The following ASAP1 variants were observed in gnomAD, a reference collection of about 807,000 sequenced individuals.
ASAP1 encodes arf-GAP with SH3 domain, ANK repeat and PH domain-containing protein 1.
Under a neutral mutation model 145.2 loss-of-function variants are expected in ASAP1, and 43 were observed. That is an observed-to-expected ratio of 0.30 (90% confidence interval 0.23 to 0.38). The LOEUF is 0.38. Ranked by LOEUF, ASAP1 falls within the 10% of genes least tolerant of loss-of-function variation. The pLI is 1.00. For synonymous variants in ASAP1, 546 were observed against 515.5 expected, an observed-to-expected ratio of 1.06 and a Z score of -0.80; for missense variants, 1,018 against 1,355.3, an observed-to-expected ratio of 0.75 and a Z score of 3.91.
chr8:130,193,535 TTGTAATA>T (rs1243214633), intron 5 of ASAP1, among the ~76,000 whole-genome samples: 2 of 152,112 alleles, frequency 1.3e-5, no homozygotes, highest in Non-Finnish European at 2.9e-5. Context: ...TTTAAAAAAA[TTGTAATA>T]TGTAATATGT....
intron 13 of ASAP1, among the ~76,000 whole-genome samples, chr8:130,149,441 T>C (rs140725209): frequency 1.7e-3 from 264 of 152,244 alleles, no homozygotes; most frequent in Middle Eastern, 6.8e-3. Flanking sequence ...TTTTCAGGTG[T>C]ACACAGAAAT....
At chr8:130,297,604 T>A (rs899659519) in intron 3 of ASAP1, among the ~76,000 whole-genome samples, 2 of 152,058 alleles carry the variant, frequency 1.3e-5, no homozygotes, top group African/African-American at 4.8e-5. Flanking sequence ...CTATCTCCCA[T>A]CACAATAAAA....
Position 130,060,870 on chromosome 8 carries a change from C to A in ASAP1, c.2901G>T (p.Gln967His), listed in dbSNP as rs751723274. 1.9e-6 allele frequency: 3 copies of A among 1,613,844 alleles called. No individual in the cohort carries two copies. The Admixed American group carries it at 5.0e-5, about 27-fold the overall frequency. Reference sequence around the variant, plus strand: ...GGGGTTTGGGTGGCAGGTCCCCCAGCTGTGGTTTGGGGGGCAGTTCTCCTG... The same window carrying A: ...GGGGTTTGGGTGGCAGGTCCCCCAGATGTGGTTTGGGGGGCAGTTCTCCTG... ...PKPGELPPKPQLGDLPPKPQL... is the reference protein window; with the variant it reads ...PKPGELPPKPHLGDLPPKPQL... The change falls in exon 28 of 30, where the codon CAG becomes CAT. Residue 967 changes from glutamine to histidine, a missense_variant. By Grantham distance (24) the Gln-to-His change is conservative (BLOSUM62 0). This residue lies in a region of ASAP1 where 139 missense variants were observed against 131.0 expected (regional missense o/e 1.06). Transcript: ENST00000518721.
chr8:130,172,740 C>T (rs866577191), intron 9 of ASAP1, among the ~76,000 whole-genome samples: 1 of 152,084 alleles, frequency 6.6e-6, no homozygotes, highest in African/African-American at 2.4e-5. Context: ...TTGAACAGCA[C>T]AAAAGAAATA....
intron 2 of ASAP1, among the ~76,000 whole-genome samples, chr8:130,391,876 T>C (rs1168108359): frequency 1.3e-5 from 2 of 152,264 alleles, no homozygotes; most frequent in African/African-American, 2.4e-5. Flanking sequence ...TCCTCACACA[T>C]GGTCCCCTAC....
At chr8:130,090,116 A>G (rs1057254778) in intron 25 of ASAP1, among the ~76,000 whole-genome samples, 1 of 152,186 alleles carries the variant, frequency 6.6e-6, no homozygotes, top group Non-Finnish European at 1.5e-5. Flanking sequence ...CAATGGGGGG[A>G]AAAACGGCCA....
chr8:130,274,102 A>G (rs891957807), intron 3 of ASAP1, among the ~76,000 whole-genome samples: 1 of 152,190 alleles, frequency 6.6e-6, no homozygotes, highest in African/African-American at 2.4e-5. Flanking sequence ...GTAAAAGTCT[A>G]TGACTCACAA....
intron 3 of ASAP1, among the ~76,000 whole-genome samples, chr8:130,334,544 AT>A (rs1824913625): frequency 6.6e-6 from 1 of 152,256 alleles, no homozygotes; most frequent in African/African-American, 2.4e-5. Flanking sequence ...TCTTCATATT[AT>A]TCTACAGTTC....
At chr8:130,182,406 C>T (rs1034036069) in intron 7 of ASAP1, among the ~76,000 whole-genome samples, 7 of 152,182 alleles carry the variant, frequency 4.6e-5, no homozygotes, top group Non-Finnish European at 1.0e-4. Context: ...TTCTCTGTCT[C>T]CCTCACTTAC....
At chr8:130,153,667 C>T (rs915932120) in intron 12 of ASAP1, among the ~76,000 whole-genome samples, 1 of 151,836 alleles carries the variant, frequency 6.6e-6, no homozygotes, top group Non-Finnish European at 1.5e-5. Context: ...TGTGACTGGC[C>T]GTGGCACTGC....
intron 3 of ASAP1, among the ~76,000 whole-genome samples, chr8:130,322,643 T>C (rs1190081207): frequency 6.6e-6 from 1 of 152,244 alleles, no homozygotes; most frequent in Non-Finnish European, 1.5e-5. Context: ...TAATGCTATC[T>C]GGATTCAGTT....
intron 24 of ASAP1, among the ~76,000 whole-genome samples, chr8:130,099,506 CTT>C: frequency 6.6e-6 from 1 of 151,568 alleles, no homozygotes; most frequent in Non-Finnish European, 1.5e-5. Context: ...TTAAGAAAAA[CTT>C]TTTGTGGAGA....
At chr8:130,072,822 T>C (rs374662461) in intron 27 of ASAP1, among the ~76,000 whole-genome samples, 2,816 of 26,044 alleles carry the variant, frequency 0.11, 298 homozygotes, top group East Asian at 0.31. Context: ...TGTGTGTGTG[T>C]GTGCGCGCGG....
intron 3 of ASAP1, among the ~76,000 whole-genome samples, chr8:130,244,949 C>T (rs1286264490): frequency 6.6e-6 from 1 of 152,088 alleles, no homozygotes; most frequent in African/African-American, 2.4e-5. Flanking sequence ...GAAATAGGAA[C>T]TCCAATTACA....
chr8:130,236,049 C>T (rs1371986317), intron 4 of ASAP1, among the ~76,000 whole-genome samples: 1 of 152,086 alleles, frequency 6.6e-6, no homozygotes, highest in South Asian at 2.1e-4. Context: ...CTCAAGGTCA[C>T]CTTGCTAATA....
intron 16 of ASAP1, among the ~76,000 whole-genome samples, chr8:130,126,304 T>C (rs1329076991): frequency 6.6e-6 from 1 of 152,192 alleles, no homozygotes; most frequent in Non-Finnish European, 1.5e-5. Flanking sequence ...TTTATCCTTG[T>C]GAAAAAGTGA....
chr8:130,171,771 G>A (rs1429066021), intron 9 of ASAP1, among the ~76,000 whole-genome samples: 1 of 152,200 alleles, frequency 6.6e-6, no homozygotes, highest in Non-Finnish European at 1.5e-5. Context: ...TGCCAGACCT[G>A]GAGAGGTTGG....
chr8:130,216,287 T>C (rs911938287), intron 4 of ASAP1, among the ~76,000 whole-genome samples: 2 of 152,236 alleles, frequency 1.3e-5, no homozygotes, highest in Non-Finnish European at 2.9e-5. Flanking sequence ...TGCAAAATGT[T>C]CAGAATTGGA....
intron 23 of ASAP1, among the ~76,000 whole-genome samples, chr8:130,112,873 T>C (rs1002978085): frequency 6.6e-6 from 1 of 152,214 alleles, no homozygotes; most frequent in Non-Finnish European, 1.5e-5. Flanking sequence ...GAGGTATCTC[T>C]GGTATTTGCG....
Sources: allele counts gnomAD v4.1 joint callset (sites outside exome capture counted in the v4.1 genomes callset), GRCh38; gene constraint gnomAD v4.1.1; regional missense constraint gnomAD v4.1.1; transcripts MANE v1.5; gene names NCBI Gene and HGNC (gene_info 2026-07-23, HGNC 2026-07-21).